The following ATP6V1B2 variants were observed in gnomAD, a reference collection of about 807,000 sequenced individuals.
The protein encoded by ATP6V1B2 is ATPase H+ transporting V1 subunit B2, also known as V-type proton ATPase subunit B, brain isoform.
Under a neutral mutation model 66.7 loss-of-function variants are expected in ATP6V1B2, and 23 were observed. The ratio of observed to expected loss-of-function variants is 0.34; its 90% CI spans 0.25 to 0.49. ATP6V1B2 has a LOEUF of 0.49. Ranked by LOEUF, ATP6V1B2 falls within the 20% of genes least tolerant of loss-of-function variation. ATP6V1B2 has a pLI of 0.99. For synonymous variants in ATP6V1B2, 278 were observed against 236.7 expected (o/e 1.17, Z -1.60); for missense variants, 478 against 650.8 (o/e 0.73, Z 2.89).
Position 20,211,710 on chromosome 8 carries a change from A to G in ATP6V1B2, c.662A>G (p.Asp221Gly). The change falls in exon 7 of 14, where the codon GAC (aspartate) becomes GGC (glycine). Residue 221 changes from aspartate (D) to glycine (G), a missense_variant. Transcript: ENST00000276390. Reference sequence around the variant, plus strand: ...GTAAAGAAATCCAAAGATGTAGTAGACTACAGTGAGGAAAATTTTGCAATT... The same window carrying G: ...GTAAAGAAATCCAAAGATGTAGTAGGCTACAGTGAGGAAAATTTTGCAATT... The part of the protein sequence containing the change: ...GLVKKSKDVV[D>G]YSEENFAIVF... 2 of 1,612,458 alleles carry G rather than the reference A, an allele frequency of 1.2e-6. No homozygotes were observed. The highest frequency in any genetic ancestry group is 2.2e-5 in the South Asian group (2 of 90,642).
rs2072907821 is a variant in ATP6V1B2, at chr8:20,221,660, T to C, written c.*1258T>C. On this transcript the variant is annotated 3_prime_UTR_variant, in exon 14 of 14. Transcript: ENST00000276390. Reference sequence around the variant, plus strand: ...ATGTAGAAAATGTGACATCTGGATATAAAATGAAAATAAATGTTAAATTAA... The same window carrying C: ...ATGTAGAAAATGTGACATCTGGATACAAAATGAAAATAAATGTTAAATTAA... 1 of 152,616 alleles carries C rather than the reference T, an allele frequency of 6.6e-6. No homozygotes were observed. The highest frequency in any genetic ancestry group is 2.4e-5 in the African/African-American group (1 of 41,444). 9.5% of individuals were successfully genotyped at this position (152,616 alleles called of 1,614,324 possible).
chr8:20,207,779 G>C (rs1339322650), intron 2 of ATP6V1B2, among the ~76,000 whole-genome samples: 1 of 151,066 alleles, frequency 6.6e-6, no homozygotes, highest in African/African-American at 2.4e-5. Context: ...AAAATTAAAA[G>C]ATATGAAGGA....
At chr8:20,198,244 G>A (rs1485476591) in intron 1 of ATP6V1B2, among the ~76,000 whole-genome samples, 1 of 152,336 alleles carries the variant, frequency 6.6e-6, no homozygotes, top group East Asian at 1.9e-4. Flanking sequence ...GCAGAGCAGG[G>A]ACTAAAAATC....
intron 1 of ATP6V1B2, chr8:20,204,002 T>C (rs2072713264): frequency 2.2e-6 from 1 of 456,126 alleles, no homozygotes; most frequent in African/African-American, 2.0e-5. Flanking sequence ...TTGTCACTTC[T>C]GCGTAACATT....
chr8:20,217,147 T>C, intron 11 of ATP6V1B2, 73 bp from the exon 12 acceptor site: 2 of 1,242,260 alleles, frequency 1.6e-6, no homozygotes, highest in South Asian at 1.2e-5. Context: ...GAGTTTCAAA[T>C]GTTTTTTTAT....
Position 20,212,180 on chromosome 8 carries a change from A to C in ATP6V1B2, c.784A>C (p.Asn262His). 6.2e-7 allele frequency: 1 copy of C among 1,613,596 alleles called. No homozygotes were observed. Among genetic ancestry groups the C allele is most frequent in the Non-Finnish European group, 8.5e-7 (1 of 1,179,734 alleles). The change falls in exon 8 of 14, where the codon AAC becomes CAC. Residue 262 changes from asparagine to histidine, a missense_variant. Physicochemically the swap from Asn to His is moderately conservative, Grantham distance 68. Coordinates refer to ENST00000276390, the MANE Select transcript of ATP6V1B2 (RefSeq NM_001693.4). ...AATGGACAATGTCTGCCTCTTTTTG[A>C]ACTTGGCTAATGACCCAACGTAAGT... is the stretch of plus-strand genomic sequence containing the variant. ...GSMDNVCLFL[N>H]LANDPTIERI...
chr8:20,217,329 G>A lies in ATP6V1B2; in HGVS notation c.1266+5G>A. On this transcript the variant is annotated splice_donor_5th_base_variant and intron_variant, in intron 12 of 13. Coordinates refer to ENST00000276390, the MANE Select transcript of ATP6V1B2 (RefSeq NM_001693.4). ...GCCGATGTATCTAACCAGCTAGTAT[G>A]TACATTCTTCTAAGAATGGTGTTTG... 1 of 1,597,442 alleles carries A rather than the reference G, an allele frequency of 6.3e-7. No homozygotes were observed. Among genetic ancestry groups the A allele is most frequent in the Non-Finnish European group, 8.6e-7 (1 of 1,165,100 alleles).
intron 8 of ATP6V1B2, 95 bp from the exon 9 acceptor site, chr8:20,212,687 G>T (rs2072807226): frequency 2.7e-6 from 4 of 1,506,940 alleles, no homozygotes; most frequent in Non-Finnish European, 2.7e-6. Flanking sequence ...AACTTTAAAA[G>T]GGGAATTGTA....
intron 12 of ATP6V1B2, 105 bp from the exon 13 acceptor site, chr8:20,218,048 C>T: frequency 1.4e-6 from 2 of 1,401,600 alleles, no homozygotes. Flanking sequence ...TAAATTCCTT[C>T]TATGGGCTCT....
At chr8:20,214,300 T>A (rs1275855035) in intron 9 of ATP6V1B2, 1 of 152,324 alleles carries the variant, frequency 6.6e-6, no homozygotes, top group African/African-American at 2.4e-5. Context: ...ATTGTTTAAT[T>A]TTTCTGACCC....
Position 20,218,258 on chromosome 8 carries a change from T to G in ATP6V1B2, c.1372T>G (p.Phe458Val). 1 of 1,613,318 alleles carries G rather than the reference T, an allele frequency of 6.2e-7. No homozygotes were observed. The change falls in exon 13 of 14, where the codon TTT becomes GTT. Residue 458 changes from phenylalanine to valine, a missense_variant. This residue lies in a region of ATP6V1B2 where 326 missense variants were observed against 545.6 expected (regional missense o/e 0.60). Transcript: ENST00000276390. ...TCTCTACTTGGAATTTCTGCAGAAG[T>G]TTGAGAGGAACTTCATTGCTCAGGG... ...DLLYLEFLQK[F>V]ERNFIAQGPY...
rs1585242543 is a variant in ATP6V1B2 at position 20,197,510 on chromosome 8, T to G, written c.104T>G (p.Val35Gly). 1 of 1,485,452 alleles carries G rather than the reference T, an allele frequency of 6.7e-7. No individual in the cohort carries two copies. The highest frequency in any genetic ancestry group is 9.0e-7 in the Non-Finnish European group (1 of 1,115,854). The allele number at this position is 1,485,452 out of a possible 1,614,324, so 92.0% of individuals were successfully genotyped here. The change falls in exon 1 of 14, where the codon GTC (valine) becomes GGC (glycine). Residue 35 changes from valine (V) to glycine (G), a missense_variant. Physicochemically the swap from Val to Gly is moderately radical, Grantham distance 109. Transcript: ENST00000276390. ...GGAGCTCGGGAGCAGGCGCTGGCAG[T>G]CAGTCGGAACTACCTCTCCCAGCCT... ...AVGAREQALA[V>G]SRNYLSQPRL...
At chr8:20,219,983 A>G (rs1035055520) in intron 13 of ATP6V1B2, among the ~76,000 whole-genome samples, 2 of 152,158 alleles carry the variant, frequency 1.3e-5, no homozygotes, top group African/African-American at 4.8e-5. Context: ...TTGCTCAAGT[A>G]TCCTACCCAG....
intron 1 of ATP6V1B2, among the ~76,000 whole-genome samples, 169 bp downstream of exon 1, chr8:20,197,711 A>C (rs765978755): frequency 2.0e-5 from 3 of 152,050 alleles, no homozygotes; most frequent in Non-Finnish European, 2.9e-5. Context: ...GCCTGTACCT[A>C]ATATTTCCAG....
At chr8:20,217,348 G>A (rs560275445) in intron 12 of ATP6V1B2, 24 bp downstream of exon 12, 1 of 1,564,198 alleles carries the variant, frequency 6.4e-7, no homozygotes, top group Admixed American at 1.7e-5. Context: ...TCTAAGAATG[G>A]TGTTTGAAAA....
At chr8:20,207,105 T>A (rs776429963) in intron 2 of ATP6V1B2, among the ~76,000 whole-genome samples, 1 of 152,138 alleles carries the variant, frequency 6.6e-6, no homozygotes, top group African/African-American at 2.4e-5. Flanking sequence ...CTATAAAACA[T>A]TGTGAAAGAC....
At chr8:20,205,293 C>CA (rs1383172788) in intron 2 of ATP6V1B2, among the ~76,000 whole-genome samples, 2 of 151,990 alleles carry the variant, frequency 1.3e-5, no homozygotes, top group South Asian at 2.1e-4. Context: ...TGAAACAGCT[C>CA]AAAAAATATT....
chr8:20,198,218 A>G (rs145845778), intron 1 of ATP6V1B2, among the ~76,000 whole-genome samples: 1 of 152,340 alleles, frequency 6.6e-6, no homozygotes, highest in Non-Finnish European at 1.5e-5. Flanking sequence ...GCCATGCTTC[A>G]GACACTTAAT....
intron 5 of ATP6V1B2, 70 bp downstream of exon 5, chr8:20,210,716 TAGAG>T (rs1204008003): frequency 1.4e-6 from 2 of 1,384,586 alleles, no homozygotes; most frequent in Admixed American, 1.7e-5. Flanking sequence ...CTTTGCCAGA[TAGAG>T]AGTGTTTTTT....
Sources: allele counts gnomAD v4.1 joint callset (sites outside exome capture counted in the v4.1 genomes callset), GRCh38; gene constraint gnomAD v4.1.1; regional missense constraint gnomAD v4.1.1; transcripts MANE v1.5; gene names NCBI Gene and HGNC (gene_info 2026-07-23, HGNC 2026-07-21).